Variants in NCBP3 observed in about 807,000 individuals in gnomAD.
The protein encoded by NCBP3 is nuclear cap-binding protein subunit 3.
In NCBP3, 20 loss-of-function variants were observed where a neutral mutation model predicts 75.7. The observed-to-expected ratio is 0.26, with a 90% confidence interval of 0.19 to 0.38. The LOEUF (loss-of-function observed/expected upper bound fraction) is 0.38. Ranked by LOEUF, NCBP3 falls within the 10% of genes least tolerant of loss-of-function variation. The pLI is 1.00. For missense variants in NCBP3, 678 were observed against 796.9 expected, an observed-to-expected ratio of 0.85 and a Z score of 1.80; for synonymous variants, 293 against 290.5, an observed-to-expected ratio of 1.01 and a Z score of -0.09.
rs1445191059 is a variant in NCBP3, at chr17:3,803,348, G to T, written c.*9696C>A. On this transcript the variant is annotated 3_prime_UTR_variant, in exon 13 of 13. Transcript: ENST00000389005. ...AAAGGCAGCGCTTGATCCTGGATTG[G>T]ATCCTGGACCAGAAAAACAACGGCT... The T allele has an allele frequency of 2.0e-5, 3 of 152,238 alleles. No homozygotes were observed. Among genetic ancestry groups the T allele is most frequent in the Non-Finnish European group, 2.9e-5 (2 of 68,050 alleles). The allele number at this position is 152,238 out of a possible 1,614,324, so 9.4% of individuals were successfully genotyped here.
intron 11 of NCBP3, among the ~76,000 whole-genome samples, chr17:3,814,969 A>G (rs184349217): frequency 1.7e-3 from 258 of 152,160 alleles, no homozygotes; most frequent in African/African-American, 5.9e-3. Flanking sequence ...AGTTCCCCCT[A>G]ACCACCACAG....
chr17:3,818,535 C>T lies in NCBP3; in HGVS notation c.1038G>A (p.Glu346=), dbSNP rs907369415. 2 of 1,610,678 alleles carry T rather than the reference C, an allele frequency of 1.2e-6. No homozygotes were observed. The highest frequency in any genetic ancestry group is 2.2e-5 in the East Asian group (1 of 44,880). The change falls in exon 10 of 13, where the codon GAG becomes GAA. Residue 346 remains glutamate, a synonymous_variant. Transcript: ENST00000389005. The surrounding 1 kb of genome is among the most constrained non-coding windows in gnomAD (Gnocchi z 4.7). ...VNVPEEPIEE[E]EEEEEEEEEE... Reference sequence around the variant, plus strand: ...CCTCTTCCTCCTCCTCCTCCTCTTCCTCCTCTTCAATGGGTTCCTCGGGAA... The same window carrying T: ...CCTCTTCCTCCTCCTCCTCCTCTTCTTCCTCTTCAATGGGTTCCTCGGGAA...
intron 1 of NCBP3, among the ~76,000 whole-genome samples, chr17:3,843,616 G>A (rs1409823864): frequency 2.6e-5 from 4 of 152,218 alleles, no homozygotes; most frequent in Non-Finnish European, 5.9e-5. Flanking sequence ...GCACAAACTC[G>A]GCTCACTGCA....
intron 11 of NCBP3, 86 bp from the exon 12 acceptor site, chr17:3,814,569 G>A (rs1400669593): frequency 2.8e-5 from 39 of 1,399,252 alleles, no homozygotes; most frequent in Middle Eastern, 2.5e-4. Context: ...CGGATCTGGC[G>A]CTAACCCCTG....
At chr17:3,840,712 G>A (rs947030534) in intron 2 of NCBP3, among the ~76,000 whole-genome samples, 1 of 151,994 alleles carries the variant, frequency 6.6e-6, no homozygotes, top group Non-Finnish European at 1.5e-5. Flanking sequence ...CTGAGCAATG[G>A]TAATCACACC....
rs965194769 is a variant in NCBP3 at position 3,806,467 on chromosome 17, C to A, written c.*6577G>T. 2.0e-5 allele frequency: 3 copies of A among 152,194 alleles called. No individual in the cohort carries two copies. Among genetic ancestry groups the A allele is most frequent in the African/African-American group, 7.2e-5 (3 of 41,446 alleles). The allele number at this position is 152,194 out of a possible 1,614,324, so 9.4% of individuals were successfully genotyped here. On this transcript the variant is annotated 3_prime_UTR_variant, in exon 13 of 13. Coordinates refer to ENST00000389005, the MANE Select transcript of NCBP3 (RefSeq NM_001114118.3). ...GTGATGGTGACAATTTGAGATAACACAAAGTCTCAACTATTTACGAACCTG... is the reference window on the plus strand; with the variant it reads ...GTGATGGTGACAATTTGAGATAACAAAAAGTCTCAACTATTTACGAACCTG...
chr17:3,817,241 A>C (rs1370329480), intron 10 of NCBP3, among the ~76,000 whole-genome samples: 1 of 152,162 alleles, frequency 6.6e-6, no homozygotes, highest in Non-Finnish European at 1.5e-5. Context: ...TTTGTTCATG[A>C]AACTAGCTAG....
chr17:3,838,206 G>A (rs370298495), intron 3 of NCBP3, among the ~76,000 whole-genome samples: 6 of 152,158 alleles, frequency 3.9e-5, no homozygotes, highest in South Asian at 2.1e-4. Context: ...GATGCTCCAC[G>A]GGGGAAGTGA....
rs2053604980 is a variant in NCBP3 at position 3,818,806 on chromosome 17, A to T, written c.1001-234T>A. 1.3e-5 allele frequency among the ~76,000 whole-genome samples: 2 copies of T among 152,204 alleles called. No individual in the cohort carries two copies. Among genetic ancestry groups the T allele is most frequent in the Admixed American group, 1.3e-4 (2 of 15,274 alleles). ...ATACCATAAAGTCATTTAAAATACA[A>T]CTGACCTTTATTATTCACAGATTTT... On this transcript the variant is annotated intron_variant, in intron 9 of 12. Transcript: ENST00000389005. The surrounding 1 kb of genome is among the most constrained non-coding windows in gnomAD (Gnocchi z 4.7).
rs1410004266 is a variant in NCBP3 at position 3,812,080 on chromosome 17, T to C, written c.*964A>G. On this transcript the variant is annotated 3_prime_UTR_variant, in exon 13 of 13. Transcript: ENST00000389005. ...TGGAGCCAAAAAACAAGCTGAACTC[T>C]ATGTACAACAGACAGACTATACAAC... is the stretch of plus-strand genomic sequence containing the variant. The C allele has an allele frequency of 1.3e-5, 2 of 152,122 alleles. No individual in the cohort carries two copies. Among genetic ancestry groups the C allele is most frequent in the East Asian group, 3.8e-4 (2 of 5,200 alleles). The allele number at this position is 152,122 out of a possible 1,614,324, so 9.4% of individuals were successfully genotyped here.
chr17:3,837,934 G>C (rs1871459085), intron 3 of NCBP3, among the ~76,000 whole-genome samples: 2 of 151,842 alleles, frequency 1.3e-5, no homozygotes, highest in South Asian at 4.2e-4. Context: ...CGACCTTACT[G>C]CCTTTTTTAG....
chr17:3,831,524 A>G (rs75759947), intron 3 of NCBP3, among the ~76,000 whole-genome samples: 15,198 of 96,960 alleles, frequency 0.16, 2,734 homozygotes, highest in East Asian at 0.32. Context: ...AGTGAGCCAA[A>G]ATCGCGCCAC....
In NCBP3 at chr17:3,810,086, G is replaced by A. The variant is rs192689580; in HGVS notation, c.*2958C>T. ...TGTTTTAAAATTGATTACGGTGCTG[G>A]TGCATAACTGTAAATATACTAAAAG... is the stretch of plus-strand genomic sequence containing the variant. On this transcript the variant is annotated 3_prime_UTR_variant, in exon 13 of 13. Transcript: ENST00000389005. 2 of 152,280 alleles carry A rather than the reference G, an allele frequency of 1.3e-5. No homozygotes were observed. Among genetic ancestry groups the A allele is most frequent in the East Asian group, 3.9e-4 (2 of 5,188 alleles). 9.4% of individuals were successfully genotyped at this position (152,280 alleles called of 1,614,324 possible).
At chr17:3,843,044 C>T (rs1335853851) in intron 2 of NCBP3, 42 bp downstream of exon 2, 1 of 1,420,250 alleles carries the variant, frequency 7.0e-7, no homozygotes, top group Non-Finnish European at 9.7e-7. Flanking sequence ...ATTAAGTTCA[C>T]TTGCTTATCA....
In NCBP3 at chr17:3,804,317, T is replaced by G. The variant is rs2053314420; in HGVS notation, c.*8727A>C. ...ATCCCAGCACTTTGGGAAGCCGAGGTAGGCGGATCGCCTGAGTTCAGGAGT... is the reference window on the plus strand; with the variant it reads ...ATCCCAGCACTTTGGGAAGCCGAGGGAGGCGGATCGCCTGAGTTCAGGAGT... On this transcript the variant is annotated 3_prime_UTR_variant, in exon 13 of 13. Transcript: ENST00000389005. The G allele has an allele frequency of 6.6e-6, 1 of 151,874 alleles. No homozygotes were observed. Among genetic ancestry groups the G allele is most frequent in the South Asian group, 2.1e-4 (1 of 4,808 alleles). The allele number at this position is 151,874 out of a possible 1,614,324, so 9.4% of individuals were successfully genotyped here.
chr17:3,843,070 T>C lies in NCBP3; in HGVS notation c.249+16A>G. 1 of 1,542,730 alleles carries C rather than the reference T, an allele frequency of 6.5e-7. No homozygotes were observed. The highest frequency in any genetic ancestry group is 8.8e-7 in the Non-Finnish European group (1 of 1,138,990). On this transcript the variant is annotated intron_variant, in intron 2 of 12. Coordinates refer to ENST00000389005, the MANE Select transcript of NCBP3 (RefSeq NM_001114118.3). ...TTGCTTATCAAGCTGAATAAATAAATCATAGCCTGTCTTACCTTGGAGGTG... is the reference window on the plus strand; with the variant it reads ...TTGCTTATCAAGCTGAATAAATAAACCATAGCCTGTCTTACCTTGGAGGTG...
At position 3,818,378 on chromosome 17, in the gene NCBP3, A is replaced by G; in HGVS notation, c.1195T>C (p.Ser399Pro). ...TCTAGATCATAGTCCATTTCATCTG[A>G]GTCTGAGCTGCTGGCACTGGATCGT... ...SRRSSASSSD[S>P]DEMDYDLELK... The change falls in exon 10 of 13, where the codon TCA becomes CCA. Residue 399 changes from serine (S) to proline (P), a missense_variant. By Grantham distance (74) the Ser-to-Pro change is moderately conservative (BLOSUM62 -1). This residue lies in a region of NCBP3 where 365 missense variants were observed against 392.7 expected (regional missense o/e 0.93). Coordinates refer to ENST00000389005, the MANE Select transcript of NCBP3 (RefSeq NM_001114118.3). The surrounding 1 kb of genome is among the most constrained non-coding windows in gnomAD (Gnocchi z 4.7). 6.2e-7 allele frequency: 1 copy of G among 1,614,160 alleles called. No individual in the cohort carries two copies. The highest frequency in any genetic ancestry group is 1.3e-5 in the African/African-American group (1 of 75,034).
intron 9 of NCBP3, among the ~76,000 whole-genome samples, chr17:3,819,452 C>T (rs543670368): frequency 1.1e-3 from 169 of 151,410 alleles, no homozygotes; most frequent in Admixed American, 1.8e-3. Flanking sequence ...CCCAGCTACT[C>T]GGGAGGCTGA....
intron 10 of NCBP3, among the ~76,000 whole-genome samples, chr17:3,817,907 C>T (rs953998591): frequency 3.3e-5 from 5 of 152,098 alleles, no homozygotes; most frequent in African/African-American, 1.2e-4. Context: ...ATAGCATAAC[C>T]TCATCTTTAT....
Sources: gnomAD v4.1 joint callset for allele counts (sites outside exome capture counted in the v4.1 genomes callset) on GRCh38, gnomAD v4.1.1 for gene constraint, gnomAD v4.1.1 regional missense constraint, Gnocchi (gnomAD v3.1) non-coding constraint, MANE v1.5 for transcripts, NCBI Gene and HGNC (gene_info 2026-07-23, HGNC 2026-07-21) for gene names.